Variants in ANKRD36C observed in about 807,000 individuals in gnomAD.
The protein encoded by ANKRD36C is ankyrin repeat domain-containing protein 36C.
In ANKRD36C, 61 loss-of-function variants were observed where a neutral mutation model predicts 276.4. The ratio of observed to expected loss-of-function variants is 0.22; its 90% CI spans 0.18 to 0.27. The LOEUF (loss-of-function observed/expected upper bound fraction) is 0.27. ANKRD36C is among the 10% of genes least tolerant of loss of function. The pLI is 1.00. For synonymous variants in ANKRD36C, 483 were observed against 680.1 expected (o/e 0.71, Z 4.51); for missense variants, 1,447 against 2,032.3 (o/e 0.71, Z 5.54).
intron 42 of ANKRD36C, 114 bp from the exon 53 acceptor site, chr2:95,903,195 T>C (rs1676708366): frequency 1.3e-6 from 2 of 1,486,082 alleles, no homozygotes; most frequent in Non-Finnish European, 1.8e-6. Flanking sequence ...AGCGTAGGCT[T>C]TGATGGCTTC....
intron 36 of ANKRD36C, among the ~76,000 whole-genome samples, chr2:95,917,215 C>T (rs1218436607): frequency 6.6e-6 from 1 of 151,518 alleles, no homozygotes; most frequent in Non-Finnish European, 1.5e-5. Context: ...GTGCTTTATC[C>T]CAATTCTAGC....
chr2:95,860,423 G>A (rs2104267745), intron 60 of ANKRD36C, among the ~76,000 whole-genome samples: 1 of 151,990 alleles, frequency 6.6e-6, no homozygotes, highest in Admixed American at 6.6e-5. Flanking sequence ...ACTGAGAAAT[G>A]AAGGATGAAA....
chr2:95,903,126 C>A lies in ANKRD36C; in HGVS notation c.2654-3790G>T, dbSNP rs1443953442. 8.5e-5 allele frequency: 131 copies of A among 1,543,238 alleles called. 4 individuals carry two copies. The highest frequency in any genetic ancestry group is 1.1e-4 in the Non-Finnish European group (120 of 1,141,606). Reference sequence around the variant, plus strand: ...CATAATCACTCATATGTAAAAATGACAAAATTATCCACATATTCATGCAGT... The same window carrying A: ...CATAATCACTCATATGTAAAAATGAAAAAATTATCCACATATTCATGCAGT... On this transcript the variant is annotated intron_variant, in intron 42 of 66. Coordinates refer to ENST00000456556, the Ensembl canonical transcript of ANKRD36C.
At chr2:95,958,264 A>T (rs1158329743) in intron 12 of ANKRD36C, among the ~76,000 whole-genome samples, 1 of 151,884 alleles carries the variant, frequency 6.6e-6, no homozygotes, top group African/African-American at 2.4e-5. Context: ...CTAGTACTTC[A>T]TCTTGTTCTC....
At chr2:95,855,965 A>G (rs201220348) in exon 63 of ANKRD36C, 11 of 1,613,096 alleles carry the variant, frequency 6.8e-6, no homozygotes, top group South Asian at 5.5e-5. Flanking sequence ...GCTGTCCACT[A>G]TAACAGGCTA....
intron 42 of ANKRD36C, 35 bp from the exon 48 acceptor site, chr2:95,908,609 A>G (rs1676816313): frequency 6.4e-7 from 1 of 1,564,152 alleles, no homozygotes; most frequent in Non-Finnish European, 8.7e-7. Flanking sequence ...ATAAATTAAT[A>G]AAGTATGTTT....
At chr2:95,955,575 T>C (rs2104494375) in intron 13 of ANKRD36C, among the ~76,000 whole-genome samples, 1 of 152,250 alleles carries the variant, frequency 6.6e-6, no homozygotes, top group East Asian at 1.9e-4. Context: ...CTTATTCACT[T>C]TCATTGGGTT....
At chr2:95,916,962 T>G (rs1388893036) in intron 36 of ANKRD36C, among the ~76,000 whole-genome samples, 1 of 151,646 alleles carries the variant, frequency 6.6e-6, no homozygotes. Flanking sequence ...GCAATATTCA[T>G]TGAAAATGAC....
At chr2:95,903,201 G>C in intron 42 of ANKRD36C, 120 bp from the exon 53 acceptor site, 1 of 1,474,050 alleles carries the variant, frequency 6.8e-7, no homozygotes, top group Non-Finnish European at 9.2e-7. Context: ...GGCTTTGATG[G>C]CTTCTACTTT....
At chr2:95,855,693 T>A (rs1210583884) in exon 63 of ANKRD36C, 53 of 1,612,170 alleles carry the variant, frequency 3.3e-5, no homozygotes, top group Non-Finnish European at 4.4e-5. Flanking sequence ...GACTCTGAAC[T>A]TACTCTCAGC....
Position 95,960,330 on chromosome 2 carries a change from A to G in ANKRD36C, c.1003+143T>C, listed in dbSNP as rs1407016182. On this transcript the variant is annotated intron_variant, in intron 10 of 66. Transcript: ENST00000456556. ...AAAATCAGCAGAATCACCATCACTC[A>G]AGAACTTATTACAAACGCAGAATCT... 5 of 1,093,450 alleles carry G rather than the reference A, an allele frequency of 4.6e-6. No individual in the cohort carries two copies. The East Asian group carries it at 1.3e-4, about 28-fold the overall frequency. 67.7% of individuals were successfully genotyped at this position (1,093,450 alleles called of 1,614,324 possible).
At chr2:95,914,297 G>A (rs938109993) in exon 39 of ANKRD36C, 2 of 1,548,864 alleles carry the variant, frequency 1.3e-6, no homozygotes, top group Non-Finnish European at 1.7e-6. Context: ...TGGTTTCTCA[G>A]AAGTCACTGA....
At chr2:95,962,445 A>C (rs1678484126) in intron 7 of ANKRD36C, 21 bp from the exon 8 acceptor site, 6 of 1,583,514 alleles carry the variant, frequency 3.8e-6, no homozygotes, top group Non-Finnish European at 5.1e-6. Flanking sequence ...TTTGAAACAA[A>C]ATAATCAATA....
At chr2:95,964,003 ATATATATATATGTG>A (rs70964876) in intron 6 of ANKRD36C, among the ~76,000 whole-genome samples, 3,090 of 31,098 alleles carry the variant, frequency 0.099, 111 homozygotes, top group Admixed American at 0.15. Context: ...ATATATATAT[ATATATATATATGTG>A]TGTGTGTGTC....
At chr2:95,947,021 T>G (rs1678071427) in intron 17 of ANKRD36C, among the ~76,000 whole-genome samples, 1 of 151,830 alleles carries the variant, frequency 6.6e-6, no homozygotes, top group Non-Finnish European at 1.5e-5. Flanking sequence ...CCCTAAAACT[T>G]AAAGTATAAT....
intron 5 of ANKRD36C, among the ~76,000 whole-genome samples, chr2:95,979,390 G>A (rs1344125822): frequency 6.6e-6 from 1 of 152,030 alleles, no homozygotes; most frequent in Non-Finnish European, 1.5e-5. Context: ...TATAACTGCT[G>A]ATAAGTCATG....
At chr2:95,927,277 C>A in exon 28 of ANKRD36C, 3 of 1,609,980 alleles carry the variant, frequency 1.9e-6, no homozygotes, top group Non-Finnish European at 2.5e-6. Flanking sequence ...TCTTTCTCAT[C>A]ACTTGTAGCC....
chr2:95,942,993 A>T (rs1460107275), intron 19 of ANKRD36C, among the ~76,000 whole-genome samples: 2 of 152,306 alleles, frequency 1.3e-5, no homozygotes, highest in Non-Finnish European at 2.9e-5. Context: ...CTATAAAAAT[A>T]GGTACTTTGT....
intron 32 of ANKRD36C, among the ~76,000 whole-genome samples, chr2:95,922,687 T>C (rs539989690): frequency 6.3e-4 from 96 of 151,822 alleles, no homozygotes; most frequent in African/African-American, 2.2e-3. Flanking sequence ...AGGATCATAC[T>C]ATTCTCTAAA....
Sources: gnomAD v4.1 joint callset for allele counts (sites outside exome capture counted in the v4.1 genomes callset) on GRCh38, gnomAD v4.1.1 for gene constraint, MANE v1.5 for transcripts, NCBI Gene and HGNC (gene_info 2026-07-23, HGNC 2026-07-21) for gene names.